The following ARHGEF33 variants were observed in gnomAD, a reference collection of about 807,000 sequenced individuals.
The protein encoded by ARHGEF33 is Rho guanine nucleotide exchange factor 33.
Under a neutral mutation model 101.9 loss-of-function variants are expected in ARHGEF33, and 72 were observed. The observed-to-expected ratio is 0.71, with a 90% CI of 0.58 to 0.86. The LOEUF (loss-of-function observed/expected upper bound fraction) is 0.86, where lower values mean the gene tolerates loss of function less well. Among genes scored for constraint, ARHGEF33 ranks in the 40% least tolerant of loss-of-function variants. ARHGEF33 has a pLI of 0.00. For missense variants in ARHGEF33, 1,169 were observed against 1,111.3 expected (o/e 1.05, Z -0.74); for synonymous variants, 499 against 442.5 (o/e 1.13, Z -1.60).
intron 2 of ARHGEF33, among the ~76,000 whole-genome samples, chr2:38,907,886 T>A (rs1321535314): frequency 2.0e-5 from 3 of 151,148 alleles, no homozygotes; most frequent in Admixed American, 2.0e-4. Flanking sequence ...TTAGACAATG[T>A]CTCACTCTGT....
chr2:38,933,494 C>T (rs1388277225), intron 7 of ARHGEF33, among the ~76,000 whole-genome samples: 2 of 152,082 alleles, frequency 1.3e-5, no homozygotes, highest in Non-Finnish European at 2.9e-5. Context: ...AGCAGTTCTC[C>T]AGCCTCAGCA....
In ARHGEF33 at chr2:38,929,283, G is replaced by T. The variant is rs543682172; in HGVS notation, c.240+212G>T. Among the ~76,000 whole-genome samples, 50 of 152,254 alleles carry T rather than the reference G, an allele frequency of 3.3e-4. 1 individual carries two copies. The highest frequency in any genetic ancestry group is 1.2e-3 in the African/African-American group (50 of 41,532). ...GTCTCTACTAAAAATATAAAAATTA[G>T]CCGGGTGTGGTGGCAGGCGCCTGTA... On this transcript the variant is annotated intron_variant, in intron 5 of 17. Transcript: ENST00000409978.
At chr2:38,952,366 T>C (rs556443893) in intron 11 of ARHGEF33, among the ~76,000 whole-genome samples, 16 of 152,324 alleles carry the variant, frequency 1.1e-4, no homozygotes, top group African/African-American at 3.8e-4. Flanking sequence ...AAGCTGAGAA[T>C]GATTTTCCTA....
intron 4 of ARHGEF33, among the ~76,000 whole-genome samples, chr2:38,924,758 C>G (rs1666836349): frequency 6.6e-6 from 1 of 152,140 alleles, no homozygotes; most frequent in Non-Finnish European, 1.5e-5. Context: ...TGTATAGTTA[C>G]TAATTAGTTG....
chr2:38,892,633 C>G (rs1003510589), intron 1 of ARHGEF33, among the ~76,000 whole-genome samples: 4 of 152,196 alleles, frequency 2.6e-5, no homozygotes, highest in African/African-American at 9.7e-5. Flanking sequence ...GAACCAAGTT[C>G]ATTATTATAG....
At chr2:38,890,266 A>G (rs72913129) in intron 1 of ARHGEF33, among the ~76,000 whole-genome samples, 2,336 of 152,360 alleles carry the variant, frequency 0.015, 32 homozygotes, top group East Asian at 0.053. Context: ...ATTAATAAAT[A>G]TAGTTGAAGA....
chr2:38,915,227 T>C (rs1460825319), intron 2 of ARHGEF33, among the ~76,000 whole-genome samples: 1 of 152,124 alleles, frequency 6.6e-6, no homozygotes, highest in Non-Finnish European at 1.5e-5. Flanking sequence ...AAATTTTAGG[T>C]AGGCTTCATT....
chr2:38,923,522 AT>A (rs1289080267), intron 4 of ARHGEF33, among the ~76,000 whole-genome samples: 7 of 151,944 alleles, frequency 4.6e-5, no homozygotes, highest in Non-Finnish European at 1.0e-4. Flanking sequence ...TTGTTTTTTA[AT>A]TTTCTGTCTC....
At chr2:38,907,717 C>T (rs1666422277) in intron 2 of ARHGEF33, among the ~76,000 whole-genome samples, 1 of 152,204 alleles carries the variant, frequency 6.6e-6, no homozygotes, top group Non-Finnish European at 1.5e-5. Flanking sequence ...CCCAGGAGAG[C>T]ACTCTTGTCC....
At chr2:38,950,337 T>C (rs1226029910) in intron 10 of ARHGEF33, among the ~76,000 whole-genome samples, 1 of 152,196 alleles carries the variant, frequency 6.6e-6, no homozygotes, top group African/African-American at 2.4e-5. Context: ...GCACATCAAA[T>C]AGGAATAGCT....
chr2:38,937,909 C>T (rs751111557), intron 9 of ARHGEF33, among the ~76,000 whole-genome samples: 1 of 152,168 alleles, frequency 6.6e-6, no homozygotes, highest in South Asian at 2.1e-4. Flanking sequence ...ACCAAAATAT[C>T]ACACACTGCA....
chr2:38,956,549 C>T (rs1318053314), intron 13 of ARHGEF33, among the ~76,000 whole-genome samples: 1 of 152,196 alleles, frequency 6.6e-6, no homozygotes, highest in Non-Finnish European at 1.5e-5. Context: ...ACGTTCTCAT[C>T]ATTGGTCTGG....
At chr2:38,901,750 T>A (rs1048374935) in intron 2 of ARHGEF33, among the ~76,000 whole-genome samples, 4 of 152,164 alleles carry the variant, frequency 2.6e-5, no homozygotes, top group Non-Finnish European at 5.9e-5. Context: ...GCTATTTAAA[T>A]CATGGACTTG....
intron 2 of ARHGEF33, among the ~76,000 whole-genome samples, chr2:38,914,429 A>T (rs943238583): frequency 6.6e-6 from 1 of 152,200 alleles, no homozygotes; most frequent in Admixed American, 6.5e-5. Flanking sequence ...GTACTTTGGG[A>T]GGCTGAGCCA....
chr2:38,950,974 C>T lies in ARHGEF33; in HGVS notation c.921-15C>T, dbSNP rs1285513080. 4.6e-5 allele frequency: 72 copies of T among 1,550,828 alleles called. No homozygotes were observed. Among genetic ancestry groups the T allele is most frequent in the Middle Eastern group, 1.7e-4 (1 of 6,012 alleles). On this transcript the variant is annotated splice_polypyrimidine_tract_variant and intron_variant, in intron 10 of 17. Transcript: ENST00000409978. ...ACACCTTGTTTGTGTGATTCCGTCT[C>T]TATTCTGTTTCAAGCCTCTTCCCTG...
intron 2 of ARHGEF33, among the ~76,000 whole-genome samples, chr2:38,904,642 G>A (rs942507939): frequency 6.7e-6 from 1 of 150,286 alleles, no homozygotes; most frequent in East Asian, 2.0e-4. Context: ...GGGAGGCAGA[G>A]GTGAGCAGTG....
intron 17 of ARHGEF33, among the ~76,000 whole-genome samples, chr2:38,972,368 A>C (rs1668185008): frequency 6.6e-6 from 1 of 152,182 alleles, no homozygotes; most frequent in African/African-American, 2.4e-5. Flanking sequence ...CTGAAAAGGA[A>C]GAGAACCTCA....
intron 5 of ARHGEF33, 139 bp downstream of exon 5, chr2:38,929,210 C>G (rs1465205235): frequency 1.7e-6 from 1 of 580,418 alleles, no homozygotes; most frequent in Non-Finnish European, 3.0e-6. Flanking sequence ...GCAGGTAGAT[C>G]ACAAGGTCAG....
At chr2:38,954,932 C>A (rs577837933) in intron 13 of ARHGEF33, among the ~76,000 whole-genome samples, 1 of 152,252 alleles carries the variant, frequency 6.6e-6, no homozygotes, top group Non-Finnish European at 1.5e-5. Flanking sequence ...CTGCAGCCAG[C>A]CTAAAATCTT....
Sources: allele counts gnomAD v4.1 joint callset (sites outside exome capture counted in the v4.1 genomes callset), GRCh38; gene constraint gnomAD v4.1.1; transcripts MANE v1.5; gene names NCBI Gene and HGNC (gene_info 2026-07-23, HGNC 2026-07-21).